Variants in RNF11 observed in about 807,000 individuals in gnomAD.
The protein encoded by RNF11 is ring finger protein 11.
A neutral mutation model predicts 15.8 loss-of-function variants in RNF11; 4 were observed. The observed-to-expected ratio is 0.25, with a 90% CI of 0.12 to 0.58. The LOEUF (loss-of-function observed/expected upper bound fraction) is 0.58, where lower values mean the gene tolerates loss of function less well. Among genes scored for constraint, RNF11 ranks in the 20% least tolerant of loss-of-function variants. The pLI is 0.91. For missense variants in RNF11, 139 were observed against 194.4 expected, an observed-to-expected ratio of 0.71 and a Z score of 1.70; for synonymous variants, 68 against 72.3, an observed-to-expected ratio of 0.94 and a Z score of 0.30.
intron 1 of RNF11, among the ~76,000 whole-genome samples, chr1:51,259,218 C>T (rs751286624): frequency 4.2e-4 from 64 of 152,148 alleles, no homozygotes; most frequent in Middle Eastern, 3.2e-3. Flanking sequence ...CTGCCAAACA[C>T]CCTGTGATGT....
At chr1:51,243,488 G>C (rs1646839248) in intron 1 of RNF11, among the ~76,000 whole-genome samples, 1 of 151,994 alleles carries the variant, frequency 6.6e-6, no homozygotes, top group African/African-American at 2.4e-5. Flanking sequence ...GCCCAGGCTG[G>C]AGTGCAGTGG....
chr1:51,254,202 T>A (rs555574921), intron 1 of RNF11, among the ~76,000 whole-genome samples: 1 of 151,856 alleles, frequency 6.6e-6, no homozygotes, highest in Non-Finnish European at 1.5e-5. Context: ...GTTGATTAGG[T>A]TATAGTTTTT....
chr1:51,252,841 G>C (rs1646886215), intron 1 of RNF11, among the ~76,000 whole-genome samples: 1 of 150,442 alleles, frequency 6.6e-6, no homozygotes, highest in South Asian at 2.1e-4. Flanking sequence ...GTGTGTTTGG[G>C]GGGGACAGAG....
intron 1 of RNF11, among the ~76,000 whole-genome samples, chr1:51,248,505 A>T (rs779106409): frequency 7.6e-4 from 116 of 152,226 alleles, no homozygotes; most frequent in Non-Finnish European, 1.2e-4. Context: ...CCCGGCCTCT[A>T]GTTTCTTCTA....
At chr1:51,262,622 A>G (rs145021678) in intron 1 of RNF11, among the ~76,000 whole-genome samples, 2 of 150,176 alleles carry the variant, frequency 1.3e-5, no homozygotes, top group East Asian at 2.0e-4. Context: ...ATCTTGGCTT[A>G]TTGCAATGCC....
In RNF11 at chr1:51,270,334, C is replaced by T. The variant is rs541337775; in HGVS notation, c.293+209C>T. The stretch of plus-strand genomic sequence containing the variant: ...GTAGTAATTAAGAATTTTCACAGGC[C>T]GAGCACAGTGGCTTATGCCTGTAAT... On this transcript the variant is annotated intron_variant, in intron 2 of 2. Coordinates refer to ENST00000242719, the MANE Select transcript of RNF11 (RefSeq NM_014372.5). Among the ~76,000 whole-genome samples, 52 of 152,222 alleles carry T rather than the reference C, an allele frequency of 3.4e-4. No individual in the cohort carries two copies. The South Asian group carries it at 8.5e-3, about 25-fold the overall frequency.
At chr1:51,238,308 G>A (rs1296134931) in intron 1 of RNF11, among the ~76,000 whole-genome samples, 2 of 152,100 alleles carry the variant, frequency 1.3e-5, no homozygotes, top group African/African-American at 2.4e-5. Context: ...TAACACTTTA[G>A]TGTTGTATCT....
rs1369057777 is a variant in RNF11, at chr1:51,271,038, A to G, written c.294-113A>G. On this transcript the variant is annotated intron_variant, in intron 2 of 2. Coordinates refer to ENST00000242719, the MANE Select transcript of RNF11 (RefSeq NM_014372.5). ...TGCTTTGGCAATAAGATGACAGGCA[A>G]AGCATTCTGATGTGTTACTCAGATT... The G allele has an allele frequency of 4.6e-6, 4 of 864,616 alleles. No individual in the cohort carries two copies. The East Asian group carries it at 9.8e-5, about 21-fold the overall frequency. The allele number at this position is 864,616 out of a possible 1,614,324, so 53.6% of individuals were successfully genotyped here. A position where few individuals can be genotyped will look rare whatever the true frequency, so the allele number is the denominator to read the frequency against.
At chr1:51,264,231 G>A (rs1282190735) in intron 1 of RNF11, among the ~76,000 whole-genome samples, 7 of 116,754 alleles carry the variant, frequency 6.0e-5, no homozygotes, top group Non-Finnish European at 8.1e-5. Flanking sequence ...CTGCACTCTA[G>A]CCTAGGTAAC....
chr1:51,253,576 G>C (rs1646891027), intron 1 of RNF11, among the ~76,000 whole-genome samples: 1 of 151,102 alleles, frequency 6.6e-6, no homozygotes, highest in Non-Finnish European at 1.5e-5. Flanking sequence ...TAGAAGGAAA[G>C]TAGAGATTGT....
Position 51,248,232 on chromosome 1 carries a change from GA to G in RNF11, c.123+11354del, listed in dbSNP as rs1280908887. Among the ~76,000 whole-genome samples the G allele has an allele frequency of 1.3e-5, 2 of 148,832 alleles. 1 individual carries two copies. Among genetic ancestry groups the G allele is most frequent in the South Asian group, 4.2e-4 (2 of 4,730 alleles). ...TTTTTTTTTTTTTGGCTTTGAGATG[GA>G]GTCTTGCTCTGTCACCCTGGCTGGA... On this transcript the variant is annotated intron_variant, in intron 1 of 2. Coordinates refer to ENST00000242719, the MANE Select transcript of RNF11 (RefSeq NM_014372.5).
intron 1 of RNF11, among the ~76,000 whole-genome samples, chr1:51,259,662 C>G (rs1322118983): frequency 6.6e-6 from 1 of 152,072 alleles, no homozygotes; most frequent in Non-Finnish European, 1.5e-5. Context: ...GATTTTTGGT[C>G]ATGAAAGCAA....
At chr1:51,248,877 A>G (rs1001733519) in intron 1 of RNF11, among the ~76,000 whole-genome samples, 1 of 152,230 alleles carries the variant, frequency 6.6e-6, no homozygotes, top group Non-Finnish European at 1.5e-5. Flanking sequence ...TGATCCATCC[A>G]ATCACAGAAA....
At chr1:51,261,683 T>A (rs1041355007) in intron 1 of RNF11, among the ~76,000 whole-genome samples, 1 of 146,608 alleles carries the variant, frequency 6.8e-6, no homozygotes, top group Non-Finnish European at 1.5e-5. Flanking sequence ...CTGTCTGTGA[T>A]AAGATTTTTT....
At chr1:51,254,115 G>A (rs1365410370) in intron 1 of RNF11, among the ~76,000 whole-genome samples, 1 of 152,232 alleles carries the variant, frequency 6.6e-6, no homozygotes, top group Non-Finnish European at 1.5e-5. Context: ...TGACCAAAAT[G>A]TGGCATTGAT....
intron 2 of RNF11, 118 bp from the exon 3 acceptor site, chr1:51,271,033 A>G (rs2148075752): frequency 7.3e-6 from 6 of 824,252 alleles, no homozygotes; most frequent in Non-Finnish European, 9.6e-6. Context: ...ATAAGATGAC[A>G]GGCAAAGCAT....
At chr1:51,260,555 A>G (rs1028200802) in intron 1 of RNF11, among the ~76,000 whole-genome samples, 8 of 152,192 alleles carry the variant, frequency 5.3e-5, no homozygotes, top group African/African-American at 9.6e-5. Context: ...CAAAATTATT[A>G]TTAGATACGT....
chr1:51,264,816 A>C (rs890195832), intron 1 of RNF11: 5 of 152,142 alleles, frequency 3.3e-5, no homozygotes, highest in Admixed American at 6.6e-5. Context: ...ATTGAATCCA[A>C]CTTTTAATGT....
intron 1 of RNF11, among the ~76,000 whole-genome samples, chr1:51,255,176 C>G (rs2148070132): frequency 3.3e-5 from 5 of 152,222 alleles, no homozygotes; most frequent in Admixed American, 3.3e-4. Flanking sequence ...TATGTTTCTA[C>G]TACTTATATA....
Sources: allele counts gnomAD v4.1 joint callset (sites outside exome capture counted in the v4.1 genomes callset), GRCh38; gene constraint gnomAD v4.1.1; transcripts MANE v1.5; gene names NCBI Gene and HGNC (gene_info 2026-07-23, HGNC 2026-07-21).